Variants in CHAF1A observed in about 807,000 individuals in gnomAD.
The protein encoded by CHAF1A is CAF-1 subunit A.
Under a neutral mutation model 93.2 loss-of-function variants are expected in CHAF1A, and 5 were observed. That is an observed-to-expected ratio of 0.05 (90% CI 0.03 to 0.11). The LOEUF is 0.11. Among genes scored for constraint, CHAF1A ranks in the 10% least tolerant of loss-of-function variants. The pLI is 1.00. For missense variants in CHAF1A, 1,102 were observed against 1,259.9 expected, an observed-to-expected ratio of 0.87 and a Z score of 1.90; for synonymous variants, 504 against 510.3, an observed-to-expected ratio of 0.99 and a Z score of 0.17.
chr19:4,417,759 C>T (rs954430886), intron 3 of CHAF1A, among the ~76,000 whole-genome samples: 28 of 152,200 alleles, frequency 1.8e-4, no homozygotes, highest in African/African-American at 6.5e-4. Flanking sequence ...CCGCGCCCAG[C>T]CTTGTCTGTT....
intron 13 of CHAF1A, among the ~76,000 whole-genome samples, chr19:4,438,809 C>T (rs1250958580): frequency 6.6e-6 from 1 of 152,064 alleles, no homozygotes; most frequent in Non-Finnish European, 1.5e-5. Context: ...TGGTGAAACC[C>T]GTCTCTACTA....
rs548926211 is a variant in CHAF1A at position 4,428,987 on chromosome 19, T to C, written c.1604+97T>C. 99 of 970,492 alleles carry C rather than the reference T, an allele frequency of 1.0e-4. No homozygotes were observed. In the African/African-American group the frequency reaches 1.3e-3, roughly 13 times the overall value. 60.1% of individuals were successfully genotyped at this position (970,492 alleles called of 1,614,324 possible). Reference sequence around the variant, plus strand: ...CCGGGGTGGGAGCTCTGGGTCCTTCTGTTGCTTGCTTCCTAGTGCCCTCGG... The same window carrying C: ...CCGGGGTGGGAGCTCTGGGTCCTTCCGTTGCTTGCTTCCTAGTGCCCTCGG... On this transcript the variant is annotated intron_variant, in intron 8 of 14. Coordinates refer to ENST00000301280, the MANE Select transcript of CHAF1A (RefSeq NM_005483.3).
At chr19:4,447,928 A>G, downstream of CHAF1A, 3 of 500,472 alleles carry the variant, frequency 6.0e-6, no homozygotes, top group South Asian at 6.5e-5. Context: ...GTGGAGAGCC[A>G]GAGCTGAAGG....
chr19:4,438,076 C>G (rs1439745701), intron 13 of CHAF1A, among the ~76,000 whole-genome samples: 1 of 152,164 alleles, frequency 6.6e-6, no homozygotes, highest in Admixed American at 6.5e-5. Context: ...CAGGGTCTTG[C>G]CCTGTTGCCC....
chr19:4,414,259 G>T (rs1291837104), intron 3 of CHAF1A, among the ~76,000 whole-genome samples: 1 of 152,008 alleles, frequency 6.6e-6, no homozygotes, highest in Non-Finnish European at 1.5e-5. Flanking sequence ...AAAATAGCGG[G>T]GCATGGGGGT....
the CHAF1A span, chr19:4,450,787 G>C: frequency 3.2e-5 from 3 of 93,350 alleles, no homozygotes; most frequent in African/African-American, 1.1e-4. Flanking sequence ...AAAAAAAAAA[G>C]AGTGCCTACA....
chr19:4,410,778 G>C (rs1427630664), intron 3 of CHAF1A, among the ~76,000 whole-genome samples: 1 of 152,182 alleles, frequency 6.6e-6, no homozygotes, highest in Non-Finnish European at 1.5e-5. Flanking sequence ...TTGAGCTGAG[G>C]AGTTGGAGGC....
intron 8 of CHAF1A, 42 bp downstream of exon 8, chr19:4,428,932 T>A: frequency 1.3e-6 from 2 of 1,547,030 alleles, no homozygotes; most frequent in Non-Finnish European, 1.8e-6. Flanking sequence ...CTAGTGATGC[T>A]GGAGGCCAGC....
intron 4 of CHAF1A, among the ~76,000 whole-genome samples, chr19:4,419,189 T>C (rs1599646585): frequency 6.6e-6 from 1 of 152,080 alleles, no homozygotes. Flanking sequence ...CGCAGGGGAC[T>C]TTTTACTTAT....
In CHAF1A at chr19:4,439,019, G is replaced by A. The variant is rs1281235648; in HGVS notation, c.2674-3226G>A. 2.6e-5 allele frequency among the ~76,000 whole-genome samples: 4 copies of A among 151,716 alleles called. No homozygotes were observed. The East Asian group carries it at 5.8e-4, about 22-fold the overall frequency. On this transcript the variant is annotated intron_variant, in intron 13 of 14. Transcript: ENST00000301280. The stretch of plus-strand genomic sequence containing the variant: ...TAGATGGCTGGGTGCAGTGGCTCAC[G>A]CTTGTAATCACAAAACTTTAGGAGA...
At chr19:4,442,872 A>G (rs1974420039) in intron 14 of CHAF1A, 53 bp from the exon 15 acceptor site, 2 of 1,365,252 alleles carry the variant, frequency 1.5e-6, no homozygotes, top group Non-Finnish European at 2.0e-6. Context: ...GTCTTCCCCC[A>G]GGGAGCCCAG....
At chr19:4,404,823 G>A (rs1034339507) in intron 1 of CHAF1A, among the ~76,000 whole-genome samples, 1 of 123,262 alleles carries the variant, frequency 8.1e-6, no homozygotes, top group African/African-American at 3.0e-5. Flanking sequence ...GATCACTGCT[G>A]CATCTGCTTT....
At chr19:4,418,409 CTTTTTT>C (rs10549561) in intron 4 of CHAF1A, among the ~76,000 whole-genome samples, 1 of 107,078 alleles carries the variant, frequency 9.3e-6, no homozygotes, top group African/African-American at 3.5e-5. Flanking sequence ...AGTCCTGTCT[CTTTTTT>C]TTTTTTTTTT....
At chr19:4,419,360 A>T (rs1973951198) in intron 4 of CHAF1A, among the ~76,000 whole-genome samples, 1 of 151,972 alleles carries the variant, frequency 6.6e-6, no homozygotes, top group Non-Finnish European at 1.5e-5. Flanking sequence ...CCTGATGTTC[A>T]CTGGGCGTTT....
chr19:4,446,685 G>A (rs1270474250), downstream of CHAF1A: 1 of 1,611,272 alleles, frequency 6.2e-7, no homozygotes, highest in African/African-American at 1.3e-5. Context: ...GGGCCAAGGT[G>A]GTCTCGCTCA....
chr19:4,430,505 C>T (rs1398265241), intron 10 of CHAF1A, 44 bp from the exon 11 acceptor site: 1 of 1,373,746 alleles, frequency 7.3e-7, no homozygotes, highest in Non-Finnish European at 1.0e-6. Context: ...GGCACACACT[C>T]TGCTTTTCTA....
At chr19:4,446,685 G>T, downstream of CHAF1A, 1 of 1,611,390 alleles carries the variant, frequency 6.2e-7, no homozygotes, top group Non-Finnish European at 8.5e-7. Context: ...GGGCCAAGGT[G>T]GTCTCGCTCA....
rs1324849384 is a variant in CHAF1A at position 4,433,665 on chromosome 19, A to G, written c.2673+126A>G. The G allele has an allele frequency of 8.1e-6, 6 of 743,266 alleles. No individual in the cohort carries two copies. The highest frequency in any genetic ancestry group is 3.0e-5 in the Admixed American group (1 of 33,744). 46.0% of individuals were successfully genotyped at this position (743,266 alleles called of 1,614,324 possible). On this transcript the variant is annotated intron_variant, in intron 13 of 14. Coordinates refer to ENST00000301280, the MANE Select transcript of CHAF1A (RefSeq NM_005483.3). This position sits in a 1 kb window ranked among gnomAD's most constrained non-coding sequence, Gnocchi z 5.6. ...ACCCAGGCTGGAGTGCAGTGGCGCA[A>G]TCTCAGCTCACTGCAACCTCCTCCC...
At position 4,442,334 on chromosome 19, in the gene CHAF1A, T is replaced by C; in HGVS notation, c.2763T>C (p.Asp921=). The change falls in exon 14 of 15, where the codon GAT becomes GAC. Residue 921 remains aspartate (D), a synonymous_variant. Transcript: ENST00000301280. ...EGDCMIVDVP[D]AAEVQAPCGA... ...ACTGTATGATCGTGGATGTCCCGGATGCTGCGGGTGAGAAGGGCTGTAGAT... is the reference window on the plus strand; with the variant it reads ...ACTGTATGATCGTGGATGTCCCGGACGCTGCGGGTGAGAAGGGCTGTAGAT... 6.3e-7 allele frequency: 1 copy of C among 1,595,886 alleles called. No homozygotes were observed. Among genetic ancestry groups the C allele is most frequent in the Non-Finnish European group, 8.5e-7 (1 of 1,170,016 alleles).
Sources: gnomAD v4.1 joint callset for allele counts (sites outside exome capture counted in the v4.1 genomes callset) on GRCh38, gnomAD v4.1.1 for gene constraint, Gnocchi (gnomAD v3.1) non-coding constraint, MANE v1.5 for transcripts, NCBI Gene and HGNC (gene_info 2026-07-23, HGNC 2026-07-21) for gene names.